Variants in ZBTB17 observed in about 807,000 individuals in gnomAD.
ZBTB17 encodes the protein zinc finger and BTB domain-containing protein 17.
A neutral mutation model predicts 85.1 loss-of-function variants in ZBTB17; 24 were observed. That is an observed-to-expected ratio of 0.28 (90% CI 0.20 to 0.40). The LOEUF is 0.40. Ranked by LOEUF, ZBTB17 falls within the 10% of genes least tolerant of loss-of-function variation. ZBTB17 has a pLI of 1.00. For missense variants in ZBTB17, 743 were observed against 1,105.1 expected, an observed-to-expected ratio of 0.67 and a Z score of 4.65; for synonymous variants, 464 against 460.2, an observed-to-expected ratio of 1.01 and a Z score of -0.11.
At chr1:15,948,911 G>A (rs916249280) in intron 2 of ZBTB17, among the ~76,000 whole-genome samples, 1 of 152,140 alleles carries the variant, frequency 6.6e-6, no homozygotes, top group African/African-American at 2.4e-5. Context: ...CAGAATAAAG[G>A]ACAGATGTTT....
At chr1:15,946,367 A>C (rs1212050266) in intron 4 of ZBTB17, 73 bp from the exon 5 acceptor site, 2 of 1,567,676 alleles carry the variant, frequency 1.3e-6, no homozygotes, top group African/African-American at 2.7e-5. Flanking sequence ...GGTGGCCCAG[A>C]ACTTGCTAGG....
rs1297674958 is a variant in ZBTB17 at position 15,973,785 on chromosome 1, C to T, written c.-89-660G>A. Among the ~76,000 whole-genome samples the T allele has an allele frequency of 6.6e-6, 1 of 152,230 alleles. No homozygotes were observed. On this transcript the variant is annotated intron_variant, in intron 1 of 15. Coordinates refer to ENST00000375743, the MANE Select transcript of ZBTB17 (RefSeq NM_003443.3). The surrounding 1 kb of genome is among the most constrained non-coding windows in gnomAD (Gnocchi z 4.1). ...ATCTCTCCTCACTCTCTGCCTTTAA[C>T]TCACACCTTTATTTCTCACTTGGAT...
intron 13 of ZBTB17, 136 bp downstream of exon 13, chr1:15,942,928 C>T: frequency 1.4e-6 from 2 of 1,421,976 alleles, no homozygotes; most frequent in Non-Finnish European, 1.9e-6. Flanking sequence ...CTCATTTGAA[C>T]AGAACTGCCT....
Position 15,964,572 on chromosome 1 carries a change from C to T in ZBTB17, c.-3+8467G>A, listed in dbSNP as rs983129402. ...GTCTCTACAAAAAAGACAAAAATAGCTGAGCGTGGTGGCGTGTGCCTCTAG... is the reference window on the plus strand; with the variant it reads ...GTCTCTACAAAAAAGACAAAAATAGTTGAGCGTGGTGGCGTGTGCCTCTAG... On this transcript the variant is annotated intron_variant, in intron 2 of 15. Coordinates refer to ENST00000375743, the MANE Select transcript of ZBTB17 (RefSeq NM_003443.3). The surrounding 1 kb of genome is among the most constrained non-coding windows in gnomAD (Gnocchi z 4.3). 2.6e-5 allele frequency among the ~76,000 whole-genome samples: 4 copies of T among 152,114 alleles called. No homozygotes were observed. The highest frequency in any genetic ancestry group is 4.8e-5 in the African/African-American group (2 of 41,426).
intron 2 of ZBTB17, among the ~76,000 whole-genome samples, chr1:15,963,731 C>T (rs1436799207): frequency 1.3e-5 from 2 of 151,940 alleles, no homozygotes; most frequent in Non-Finnish European, 2.9e-5. Flanking sequence ...GTATTAAATG[C>T]AAGAAGGAAG....
At chr1:15,961,155 G>T (rs2072245149) in intron 2 of ZBTB17, among the ~76,000 whole-genome samples, 1 of 152,176 alleles carries the variant, frequency 6.6e-6, no homozygotes, top group Non-Finnish European at 1.5e-5. Context: ...ATAAATGAAT[G>T]AATGATTTCA....
Position 15,945,753 on chromosome 1 carries a change from G to A in ZBTB17, c.623C>T (p.Ala208Val). Residue 208 changes from alanine (A) to valine (V), a missense_variant, in exon 6 of 16, where the codon GCA (alanine) becomes GTA (valine). By Grantham distance (64) the Ala-to-Val change is moderately conservative. Around this residue, in one of 4 missense-constraint regions of ZBTB17, gnomAD observed 279 missense variants for 269.9 expected, o/e 1.03. Transcript: ENST00000375743. ...KPDPTSGMAA[A>V]EAEAALSESS... is the part of the protein sequence containing the mutation. Reference sequence around the variant, plus strand: ...CTCGGACAAAGCGGCCTCAGCTTCTGCAGCAGCCATGCCACTCGTGGGGTC... The same window carrying A: ...CTCGGACAAAGCGGCCTCAGCTTCTACAGCAGCCATGCCACTCGTGGGGTC... 1 of 1,607,070 alleles carries A rather than the reference G, an allele frequency of 6.2e-7. No individual in the cohort carries two copies. Among genetic ancestry groups the A allele is most frequent in the South Asian group, 1.1e-5 (1 of 91,048 alleles).
intron 2 of ZBTB17, among the ~76,000 whole-genome samples, chr1:15,968,454 A>C (rs2072522474): frequency 6.6e-6 from 1 of 152,208 alleles, no homozygotes; most frequent in Non-Finnish European, 1.5e-5. Flanking sequence ...AAGGCAGGCA[A>C]GGAAGCCTCG....
chr1:15,949,244 C>G (rs1487109755), intron 2 of ZBTB17, among the ~76,000 whole-genome samples: 2 of 152,164 alleles, frequency 1.3e-5, no homozygotes, highest in Non-Finnish European at 2.9e-5. Flanking sequence ...CTGGAAATCC[C>G]ACAAGTGAAA....
At chr1:15,948,523 G>C (rs1445530690) in intron 2 of ZBTB17, 26 bp from the exon 3 acceptor site, 1 of 1,605,208 alleles carries the variant, frequency 6.2e-7, no homozygotes, top group East Asian at 2.2e-5. Context: ...GGGCGTTGGG[G>C]TTAGCACGGA....
At chr1:15,945,493 G>A (rs2071560851) in intron 6 of ZBTB17, among the ~76,000 whole-genome samples, 8 of 152,216 alleles carry the variant, frequency 5.3e-5, no homozygotes. Context: ...GGCTTTGAAG[G>A]ACGTGCCTGT....
In ZBTB17 at chr1:15,964,448, T is replaced by C. The variant is rs2072368246; in HGVS notation, c.-3+8591A>G. ...AACATGACAATGGGGCCAGGCAAGA[T>C]GGCTCACGCCTGTAATCCCAACACG... On this transcript the variant is annotated intron_variant, in intron 2 of 15. Transcript: ENST00000375743. The surrounding 1 kb of genome is among the most constrained non-coding windows in gnomAD (Gnocchi z 4.3). Among the ~76,000 whole-genome samples, 1 of 152,236 alleles carries C rather than the reference T, an allele frequency of 6.6e-6. No homozygotes were observed. The highest frequency in any genetic ancestry group is 1.5e-5 in the Non-Finnish European group (1 of 68,042).
At position 15,948,381 on chromosome 1, in the gene ZBTB17, T is replaced by G; in HGVS notation, c.115A>C (p.Lys39Gln). The change falls in exon 3 of 16, where the codon AAA becomes CAA. Residue 39 changes from lysine to glutamine, a missense_variant. Lys to Gln is a moderately conservative substitution (Grantham distance 53, BLOSUM62 1). Transcript: ENST00000375743. ...TCGCTGCAGGCCGCCAGCACTGCTT[T>G]ATGAGCCTTAAAGTGAACACCGTCC... is the stretch of plus-strand genomic sequence containing the variant. ...VVDGVHFKAH[K>Q]AVLAACSEYF... 1 of 1,614,048 alleles carries G rather than the reference T, an allele frequency of 6.2e-7. No homozygotes were observed. The highest frequency in any genetic ancestry group is 1.1e-5 in the South Asian group (1 of 91,090).
In ZBTB17 at chr1:15,952,429, G is replaced by C. The variant is rs778085131; in HGVS notation, c.-2-3932C>G. Among the ~76,000 whole-genome samples the C allele has an allele frequency of 5.3e-5, 8 of 152,342 alleles. No homozygotes were observed. The highest frequency in any genetic ancestry group is 1.3e-4 in the Admixed American group (2 of 15,300). ...CACACTGACACAGCGGAACAGACGC[G>C]GCAGAACCGACACGGCGGAACGGAC... On this transcript the variant is annotated intron_variant, in intron 2 of 15. Transcript: ENST00000375743. This position sits in a 1 kb window ranked among gnomAD's most constrained non-coding sequence, Gnocchi z 4.3.
intron 1 of ZBTB17, among the ~76,000 whole-genome samples, chr1:15,975,559 C>T (rs879352755): frequency 1.3e-5 from 2 of 152,224 alleles, no homozygotes; most frequent in Non-Finnish European, 2.9e-5. Context: ...CTCCTAGGCC[C>T]GGGCAGCCCC....
chr1:15,946,441 T>A, intron 4 of ZBTB17, 147 bp from the exon 5 acceptor site: 1 of 1,233,322 alleles, frequency 8.1e-7, no homozygotes, highest in Non-Finnish European at 1.1e-6. Flanking sequence ...TTCACCAAAT[T>A]ATTCACAGGG....
chr1:15,945,687 G>C (rs2148762099), intron 6 of ZBTB17, 28 bp downstream of exon 6: 2 of 1,605,018 alleles, frequency 1.2e-6, no homozygotes, highest in Middle Eastern at 3.5e-4. Flanking sequence ...GCACCAGGTA[G>C]GGCCTGGTCC....
rs188724987 is a variant in ZBTB17 at position 15,951,273 on chromosome 1, G to T, written c.-2-2776C>A. On this transcript the variant is annotated intron_variant, in intron 2 of 15. Coordinates refer to ENST00000375743, the MANE Select transcript of ZBTB17 (RefSeq NM_003443.3). This position sits in a 1 kb window ranked among gnomAD's most constrained non-coding sequence, Gnocchi z 4.1. ...GAAGGGGGGAGGAAGAAGTGAAGAT[G>T]GGCAAAGTAAGGGAAGGAAAGGAGA... Among the ~76,000 whole-genome samples, 1 of 151,946 alleles carries T rather than the reference G, an allele frequency of 6.6e-6. No individual in the cohort carries two copies. The highest frequency in any genetic ancestry group is 6.6e-5 in the Admixed American group (1 of 15,256).
intron 2 of ZBTB17, among the ~76,000 whole-genome samples, chr1:15,965,355 G>A (rs966888464): frequency 9.2e-5 from 14 of 152,272 alleles, no homozygotes; most frequent in East Asian, 1.9e-4. Context: ...AGTAAGCAAC[G>A]AAAAGATGCC....
Sources: gnomAD v4.1 joint callset for allele counts (sites outside exome capture counted in the v4.1 genomes callset) on GRCh38, gnomAD v4.1.1 for gene constraint, gnomAD v4.1.1 regional missense constraint, Gnocchi (gnomAD v3.1) non-coding constraint, MANE v1.5 for transcripts, NCBI Gene and HGNC (gene_info 2026-07-23, HGNC 2026-07-21) for gene names.